ANKS1B: variants seen among roughly 807,000 people sequenced by gnomAD.
ANKS1B encodes the protein ankyrin repeat and sterile alpha motif domain-containing protein 1B.
A neutral mutation model predicts 148.3 loss-of-function variants in ANKS1B; 36 were observed. The observed-to-expected ratio is 0.24, with a 90% confidence interval of 0.19 to 0.32. The LOEUF (loss-of-function observed/expected upper bound fraction) is 0.32. Among genes scored for constraint, ANKS1B ranks in the 10% least tolerant of loss-of-function variants. The pLI, the probability that ANKS1B is intolerant of heterozygous loss-of-function variation, is 1.00. For synonymous variants in ANKS1B, 542 were observed against 560.8 expected, an observed-to-expected ratio of 0.97 and a Z score of 0.47; for missense variants, 1,157 against 1,542.6, an observed-to-expected ratio of 0.75 and a Z score of 4.19.
intron 19 of ANKS1B, among the ~76,000 whole-genome samples, chr12:98,818,180 CCTCT>C (rs1465379599): frequency 2.9e-5 from 3 of 102,580 alleles, no homozygotes; most frequent in South Asian, 8.2e-4. Flanking sequence ...TCCCTTCCTT[CCTCT>C]CTTCCTCTCT....
At chr12:98,901,500 T>C (rs2099771994) in intron 17 of ANKS1B, among the ~76,000 whole-genome samples, 1 of 152,222 alleles carries the variant, frequency 6.6e-6, no homozygotes, top group African/African-American at 2.4e-5. Flanking sequence ...TGTGAGTAAG[T>C]TTCTAATAGA....
chr12:99,258,216 T>A (rs1566752547), intron 12 of ANKS1B, among the ~76,000 whole-genome samples: 2 of 152,204 alleles, frequency 1.3e-5, no homozygotes, highest in Non-Finnish European at 2.9e-5. Flanking sequence ...TGCATGTTTT[T>A]GTCTTGTAAT....
intron 14 of ANKS1B, among the ~76,000 whole-genome samples, chr12:99,177,521 C>T (rs1352624492): frequency 6.6e-6 from 1 of 152,138 alleles, no homozygotes; most frequent in Admixed American, 6.5e-5. Context: ...TTTCTGTTAG[C>T]ATAATAACAG....
chr12:99,896,276 TTC>T (rs1256750560), intron 1 of ANKS1B, among the ~76,000 whole-genome samples: 1 of 151,294 alleles, frequency 6.6e-6, no homozygotes, highest in Non-Finnish European at 1.5e-5. Context: ...CACTCTTCTA[TTC>T]TCTGTTTCCA....
At chr12:99,924,278 G>A (rs1057404255) in intron 1 of ANKS1B, among the ~76,000 whole-genome samples, 1 of 152,112 alleles carries the variant, frequency 6.6e-6, no homozygotes, top group Non-Finnish European at 1.5e-5. Flanking sequence ...CAGAAGCACT[G>A]CTTGGTGTAT....
At chr12:99,122,666 C>T (rs903842440) in intron 15 of ANKS1B, among the ~76,000 whole-genome samples, 2 of 152,234 alleles carry the variant, frequency 1.3e-5, no homozygotes, top group Admixed American at 1.3e-4. Context: ...TTTTCATAAA[C>T]GCTTGCTGGC....
At chr12:99,539,880 T>C (rs939538518) in intron 9 of ANKS1B, among the ~76,000 whole-genome samples, 1 of 152,000 alleles carries the variant, frequency 6.6e-6, no homozygotes, top group Admixed American at 6.6e-5. Flanking sequence ...GCCAGATAAA[T>C]TTTGTTCAAA....
intron 8 of ANKS1B, among the ~76,000 whole-genome samples, chr12:99,693,890 C>T (rs1386065496): frequency 6.6e-6 from 1 of 150,716 alleles, no homozygotes; most frequent in East Asian, 2.0e-4. Flanking sequence ...ACGCCATTCT[C>T]CTGCCTCAGC....
chr12:99,913,503 A>G (rs1198925137), intron 1 of ANKS1B, among the ~76,000 whole-genome samples: 2 of 152,188 alleles, frequency 1.3e-5, no homozygotes, highest in Non-Finnish European at 2.9e-5. Flanking sequence ...TAAAGAAAAA[A>G]AATTTAATTT....
Position 99,664,329 on chromosome 12 carries a change from T to C in ANKS1B, c.1129-9119A>G, listed in dbSNP as rs1225639043. On this transcript the variant is annotated intron_variant, in intron 8 of 26. Transcript: ENST00000683438. ...TATTTATATACCTAACATGAACCCA[T>C]TTTATATATTTATTTTTTGTATTGG... Among the ~76,000 whole-genome samples, 3 of 152,062 alleles carry C rather than the reference T, an allele frequency of 2.0e-5. No homozygotes were observed. In the East Asian group the frequency reaches 5.8e-4, roughly 29 times the overall value.
chr12:99,652,163 C>A (rs985801317), intron 9 of ANKS1B, among the ~76,000 whole-genome samples: 1 of 151,938 alleles, frequency 6.6e-6, no homozygotes, highest in Non-Finnish European at 1.5e-5. Context: ...CACACACACA[C>A]ACACATTCTT....
At chr12:98,881,431 T>A (rs11109646) in intron 17 of ANKS1B, among the ~76,000 whole-genome samples, 18,278 of 152,164 alleles carry the variant, frequency 0.12, 1,473 homozygotes, top group East Asian at 0.37. Flanking sequence ...TAAATTGGCT[T>A]CCTGGTATGC....
chr12:99,509,897 T>C (rs772997002), intron 9 of ANKS1B, among the ~76,000 whole-genome samples: 1 of 152,054 alleles, frequency 6.6e-6, no homozygotes, highest in Non-Finnish European at 1.5e-5. Flanking sequence ...GTGCAGTTGA[T>C]GACTTTAAGT....
At chr12:99,420,547 T>A (rs1251429939) in intron 11 of ANKS1B, among the ~76,000 whole-genome samples, 1 of 151,580 alleles carries the variant, frequency 6.6e-6, no homozygotes, top group Non-Finnish European at 1.5e-5. Flanking sequence ...TTACAATTAA[T>A]TTTAGCTAAC....
intron 9 of ANKS1B, among the ~76,000 whole-genome samples, chr12:99,596,280 ATCT>A (rs1322111120): frequency 2.6e-5 from 4 of 151,722 alleles, no homozygotes; most frequent in Non-Finnish European, 5.9e-5. Context: ...GCTTCTTTCA[ATCT>A]TCTCATGGTA....
In ANKS1B at chr12:99,600,048, T is replaced by C. The variant is rs7139080; in HGVS notation, c.1272+55019A>G. On this transcript the variant is annotated intron_variant, in intron 9 of 26. Transcript: ENST00000683438. Reference sequence around the variant, plus strand: ...TGCCATGAATGTTTCAATTTGTTCATTGGTGAATTTTAGCCACCTAGACTG... The same window carrying C: ...TGCCATGAATGTTTCAATTTGTTCACTGGTGAATTTTAGCCACCTAGACTG... Among the ~76,000 whole-genome samples the C allele has an allele frequency of 7.9e-3, 1,199 of 152,134 alleles. 16 individuals carry two copies. The highest frequency in any genetic ancestry group is 0.027 in the African/African-American group (1,136 of 41,522).
At chr12:99,791,231 TTGTAAATATATA>T (rs1463789491) in intron 4 of ANKS1B, among the ~76,000 whole-genome samples, 1 of 151,970 alleles carries the variant, frequency 6.6e-6, no homozygotes, top group African/African-American at 2.4e-5. Context: ...GATATTACAA[TTGTAAATATATA>T]TGCACCAAAC....
At chr12:99,633,380 T>G (rs2098193730) in intron 9 of ANKS1B, among the ~76,000 whole-genome samples, 3 of 152,030 alleles carry the variant, frequency 2.0e-5, no homozygotes. Context: ...AAACAAGAAA[T>G]GGGGAAAGGA....
At chr12:99,044,116 T>C (rs2099960778) in intron 17 of ANKS1B, among the ~76,000 whole-genome samples, 1 of 152,232 alleles carries the variant, frequency 6.6e-6, no homozygotes, top group Non-Finnish European at 1.5e-5. Flanking sequence ...GTATTTTCTA[T>C]ACTATATAAT....
Sources: gnomAD v4.1 joint callset for allele counts (sites outside exome capture counted in the v4.1 genomes callset) on GRCh38, gnomAD v4.1.1 for gene constraint, MANE v1.5 for transcripts, NCBI Gene and HGNC (gene_info 2026-07-23, HGNC 2026-07-21) for gene names.